Variants in CEP83 observed in about 807,000 individuals in gnomAD.
CEP83 encodes centrosomal protein 83, also known as centrosomal protein of 83 kDa.
A neutral mutation model predicts 101.9 loss-of-function variants in CEP83; 70 were observed. That is an observed-to-expected ratio of 0.69 (90% CI 0.57 to 0.84). The LOEUF is 0.84. Ranked by LOEUF, CEP83 falls within the 40% of genes least tolerant of loss-of-function variation. CEP83 has a pLI of 0.00. For missense variants in CEP83, 715 were observed against 787.2 expected (o/e 0.91, Z 1.10); for synonymous variants, 264 against 267.9 (o/e 0.99, Z 0.14).
chr12:94,295,444 T>G, the CEP83 span, among the ~76,000 whole-genome samples: 1 of 152,180 alleles, frequency 6.6e-6, no homozygotes, highest in South Asian at 2.1e-4. Context: ...GGTTTTTAGG[T>G]TTCAAAGATT....
chr12:94,418,080 G>A (rs1566146393), intron 2 of CEP83, among the ~76,000 whole-genome samples: 2 of 152,046 alleles, frequency 1.3e-5, no homozygotes, highest in Admixed American at 6.5e-5. Flanking sequence ...TGAAAAATAC[G>A]GCTAAGCCTG....
chr12:94,355,754 A>G (rs1006032219), intron 11 of CEP83, among the ~76,000 whole-genome samples: 1 of 152,198 alleles, frequency 6.6e-6, no homozygotes, highest in African/African-American at 2.4e-5. Context: ...AGGGTGGAAA[A>G]CCGCTTAAAA....
At chr12:94,330,789 T>A (rs1161232790) in intron 14 of CEP83, among the ~76,000 whole-genome samples, 2 of 152,198 alleles carry the variant, frequency 1.3e-5, no homozygotes, top group African/African-American at 4.8e-5. Context: ...GCCTGGAAAC[T>A]ATCACTCTGA....
At chr12:94,345,895 A>G (rs2059912826) in intron 11 of CEP83, among the ~76,000 whole-genome samples, 1 of 152,178 alleles carries the variant, frequency 6.6e-6, no homozygotes, top group African/African-American at 2.4e-5. Flanking sequence ...ACTCAAGAGG[A>G]CAGGGTACCG....
At chr12:94,326,765 G>A (rs1226566126) in intron 14 of CEP83, among the ~76,000 whole-genome samples, 1 of 152,100 alleles carries the variant, frequency 6.6e-6, no homozygotes, top group Non-Finnish European at 1.5e-5. Context: ...AGAGTGATGT[G>A]CCTGTCTAAA....
chr12:94,443,143 C>G (rs1358472825), intron 1 of CEP83, among the ~76,000 whole-genome samples: 4 of 145,576 alleles, frequency 2.7e-5, no homozygotes, highest in Admixed American at 6.9e-5. Flanking sequence ...GCTCCCTATA[C>G]AAATTCAAAC....
intron 12 of CEP83, 129 bp from the exon 13 acceptor site, chr12:94,333,768 C>T: frequency 2.6e-6 from 2 of 759,316 alleles, no homozygotes; most frequent in Non-Finnish European, 4.2e-6. Context: ...TTGGAGATGA[C>T]CCCTAAAGGA....
In CEP83 at chr12:94,421,842, T is replaced by C. The variant is rs563960693; in HGVS notation, c.-101-9251A>G. 2.6e-5 allele frequency among the ~76,000 whole-genome samples: 4 copies of C among 152,350 alleles called. No homozygotes were observed. The South Asian group carries it at 6.2e-4, about 24-fold the overall frequency. The stretch of plus-strand genomic sequence containing the variant: ...TTGGAGGCAACTGTACAAAATGAAG[T>C]AGAGGTTCCTCTTCAAAGGGACTTT... On this transcript the variant is annotated intron_variant, in intron 2 of 16. Transcript: ENST00000397809.
chr12:94,281,666 C>T, the CEP83 span, among the ~76,000 whole-genome samples: 1 of 152,214 alleles, frequency 6.6e-6, no homozygotes, highest in South Asian at 2.1e-4. Flanking sequence ...AGTAATCCCC[C>T]TGCCTCCGCC....
rs1970544993 is a variant in CEP83, at chr12:94,315,554, T to G, written c.1708-2537A>C. Reference sequence around the variant, plus strand: ...TGTCATTTTCTTTTGCTTAAGAGTATCCCTTAATAAAAAGATTTTAATTTA... The same window carrying G: ...TGTCATTTTCTTTTGCTTAAGAGTAGCCCTTAATAAAAAGATTTTAATTTA... On this transcript the variant is annotated intron_variant, in intron 14 of 16. Coordinates refer to ENST00000397809, the MANE Select transcript of CEP83 (RefSeq NM_016122.3). Among the ~76,000 whole-genome samples the G allele has an allele frequency of 4.6e-5, 7 of 152,214 alleles. No individual in the cohort carries two copies. The South Asian group carries it at 1.5e-3, about 32-fold the overall frequency.
At chr12:94,370,937 T>C (rs912677451) in intron 8 of CEP83, among the ~76,000 whole-genome samples, 3 of 151,990 alleles carry the variant, frequency 2.0e-5, no homozygotes, top group Non-Finnish European at 2.9e-5. Flanking sequence ...AGTGCTATGA[T>C]TGTGCCAATG....
At chr12:94,430,494 G>T (rs1594003962) in intron 2 of CEP83, among the ~76,000 whole-genome samples, 1 of 149,586 alleles carries the variant, frequency 6.7e-6, no homozygotes, top group East Asian at 2.0e-4. Flanking sequence ...ACATTTGAAA[G>T]CTTCAACAAC....
At chr12:94,370,254 C>T (rs1049761691) in intron 8 of CEP83, among the ~76,000 whole-genome samples, 1 of 152,128 alleles carries the variant, frequency 6.6e-6, no homozygotes, top group Admixed American at 6.5e-5. Flanking sequence ...CATTTCTTTA[C>T]GAATATCTGT....
chr12:94,340,350 C>T (rs778073971), intron 11 of CEP83, among the ~76,000 whole-genome samples: 5 of 152,174 alleles, frequency 3.3e-5, no homozygotes, highest in African/African-American at 7.2e-5. Flanking sequence ...GGCATATAAC[C>T]TTGGCTGAGC....
chr12:94,438,111 C>T (rs1357580524), intron 1 of CEP83, among the ~76,000 whole-genome samples: 1 of 151,772 alleles, frequency 6.6e-6, no homozygotes, highest in African/African-American at 2.4e-5. Context: ...CCCAGCTACT[C>T]GGGAGGCAGA....
At chr12:94,339,139 T>G (rs1266881894) in intron 11 of CEP83, among the ~76,000 whole-genome samples, 1 of 152,138 alleles carries the variant, frequency 6.6e-6, no homozygotes, top group Admixed American at 6.5e-5. Context: ...TAATTTTTTG[T>G]ATTTTTAGTA....
intron 11 of CEP83, among the ~76,000 whole-genome samples, chr12:94,348,274 G>A (rs894721605): frequency 3.3e-5 from 5 of 152,024 alleles, no homozygotes; most frequent in Non-Finnish European, 7.4e-5. Flanking sequence ...GTGGCCAGCC[G>A]TCAGAAGTTG....
intron 4 of CEP83, among the ~76,000 whole-genome samples, chr12:94,406,647 C>T (rs1339864770): frequency 6.6e-6 from 1 of 152,122 alleles, no homozygotes; most frequent in Non-Finnish European, 1.5e-5. Context: ...CAAGGCCGGG[C>T]AAGGTGGCTC....
chr12:94,395,709 T>C (rs2062844277), intron 6 of CEP83, among the ~76,000 whole-genome samples: 1 of 152,106 alleles, frequency 6.6e-6, no homozygotes. Flanking sequence ...TAGTCCCAGC[T>C]ACTCGGGAGG....
Sources: gnomAD v4.1 joint callset for allele counts (sites outside exome capture counted in the v4.1 genomes callset) on GRCh38, gnomAD v4.1.1 for gene constraint, MANE v1.5 for transcripts, NCBI Gene and HGNC (gene_info 2026-07-23, HGNC 2026-07-21) for gene names.